ADGRB3: variants seen among roughly 807,000 people sequenced by gnomAD.
ADGRB3 encodes brain-specific angiogenesis inhibitor 3.
In ADGRB3, 37 loss-of-function variants were observed where a neutral mutation model predicts 193.4. The ratio of observed to expected loss-of-function variants is 0.19; its 90% CI spans 0.15 to 0.25. The LOEUF is 0.25. Ranked by LOEUF, ADGRB3 falls within the 10% of genes least tolerant of loss-of-function variation. ADGRB3 has a pLI of 1.00. For missense variants in ADGRB3, 1,637 were observed against 1,852.9 expected (o/e 0.88, Z 2.14); for synonymous variants, 690 against 644.2 (o/e 1.07, Z -1.08).
At chr6:68,927,558 A>G (rs1168774089) in intron 3 of ADGRB3, among the ~76,000 whole-genome samples, 3 of 152,162 alleles carry the variant, frequency 2.0e-5, no homozygotes, top group Non-Finnish European at 4.4e-5. Context: ...CCATAACATT[A>G]TCTGTTAAAT....
chr6:68,863,319 A>C (rs1466423652), intron 3 of ADGRB3, among the ~76,000 whole-genome samples: 1 of 152,088 alleles, frequency 6.6e-6, no homozygotes, highest in Non-Finnish European at 1.5e-5. Context: ...GTTACCATAT[A>C]TATGAAGTAA....
At chr6:69,040,606 G>A (rs1238912853) in intron 13 of ADGRB3, among the ~76,000 whole-genome samples, 3 of 126,816 alleles carry the variant, frequency 2.4e-5, no homozygotes, top group Admixed American at 9.8e-5. Flanking sequence ...CTAGCAAAGA[G>A]CCCTTGAGCA....
At chr6:68,765,422 C>T (rs59877292) in intron 3 of ADGRB3, among the ~76,000 whole-genome samples, 7,222 of 151,992 alleles carry the variant, frequency 0.048, 355 homozygotes, top group African/African-American at 0.12. Context: ...ATTTTATCCG[C>T]CTATTAACAC....
chr6:69,256,238 A>G (rs1176120207), intron 20 of ADGRB3, among the ~76,000 whole-genome samples: 2 of 151,790 alleles, frequency 1.3e-5, no homozygotes, highest in East Asian at 1.9e-4. Flanking sequence ...AATTCTGTGA[A>G]GAAAGTCATT....
chr6:68,737,105 A>G (rs1416199254), intron 3 of ADGRB3, among the ~76,000 whole-genome samples: 1 of 152,158 alleles, frequency 6.6e-6, no homozygotes, highest in Non-Finnish European at 1.5e-5. Flanking sequence ...CAGTATTATA[A>G]AAATGTTAAG....
intron 20 of ADGRB3, among the ~76,000 whole-genome samples, chr6:69,255,367 CTGT>C (rs1327988882): frequency 6.6e-6 from 1 of 152,278 alleles, no homozygotes; most frequent in Middle Eastern, 3.4e-3. Context: ...TCTCCAGCAC[CTGT>C]TGTTTCCTGA....
At chr6:69,122,829 C>T (rs1773750955) in intron 17 of ADGRB3, among the ~76,000 whole-genome samples, 2 of 151,856 alleles carry the variant, frequency 1.3e-5, no homozygotes, top group South Asian at 2.1e-4. Context: ...TGGTTTCAAA[C>T]ATACATACAT....
At chr6:69,284,874 A>G (rs1767515558) in intron 20 of ADGRB3, among the ~76,000 whole-genome samples, 1 of 152,184 alleles carries the variant, frequency 6.6e-6, no homozygotes, top group East Asian at 1.9e-4. Flanking sequence ...AACAGCAGGG[A>G]AGATTGAGAA....
intron 3 of ADGRB3, among the ~76,000 whole-genome samples, chr6:68,760,266 C>T (rs552821097): frequency 6.6e-6 from 1 of 152,196 alleles, no homozygotes; most frequent in Non-Finnish European, 1.5e-5. Flanking sequence ...TACACATACA[C>T]ACATACACAC....
intron 11 of ADGRB3, among the ~76,000 whole-genome samples, chr6:69,003,152 G>A (rs75028708): frequency 0.078 from 11,850 of 152,138 alleles, 579 homozygotes; most frequent in Non-Finnish European, 0.12. Context: ...ACACCTGGTA[G>A]GTCTCAAGAA....
chr6:69,345,959 T>A (rs938229041), intron 26 of ADGRB3, among the ~76,000 whole-genome samples: 1 of 152,088 alleles, frequency 6.6e-6, no homozygotes, highest in Non-Finnish European at 1.5e-5. Context: ...TATACACCAA[T>A]AATAGACAAA....
intron 13 of ADGRB3, among the ~76,000 whole-genome samples, chr6:69,023,004 GA>G (rs1274213346): frequency 6.6e-6 from 1 of 151,798 alleles, no homozygotes; most frequent in African/African-American, 2.4e-5. Context: ...TGCTTTTATT[GA>G]TAAGAATATC....
chr6:68,902,015 C>T lies in ADGRB3; in HGVS notation c.758-28544C>T, dbSNP rs567941187. Among the ~76,000 whole-genome samples, 299 of 152,092 alleles carry T rather than the reference C, an allele frequency of 2.0e-3. 1 individual carries two copies. Among genetic ancestry groups the T allele is most frequent in the African/African-American group, 7.0e-3 (291 of 41,510 alleles). On this transcript the variant is annotated intron_variant, in intron 3 of 31. Coordinates refer to ENST00000370598, the MANE Select transcript of ADGRB3 (RefSeq NM_001704.3). ...TCAATAAATGAATTTGTGTTAAGAA[C>T]TATTATGAAATGGGCATGACAGAGT...
intron 17 of ADGRB3, among the ~76,000 whole-genome samples, chr6:69,089,419 T>G (rs1000409417): frequency 1.6e-4 from 25 of 152,202 alleles, no homozygotes; most frequent in African/African-American, 6.0e-4. Context: ...AATTTTTGAA[T>G]GAGTGAATAT....
At chr6:68,764,902 C>T (rs1440631817) in intron 3 of ADGRB3, among the ~76,000 whole-genome samples, 1 of 152,090 alleles carries the variant, frequency 6.6e-6, no homozygotes, top group Admixed American at 6.6e-5. Context: ...CAAAGTGTTT[C>T]ATATTTTGGT....
chr6:68,657,386 A>C (rs1185771177), intron 3 of ADGRB3, among the ~76,000 whole-genome samples: 1 of 151,614 alleles, frequency 6.6e-6, no homozygotes, highest in South Asian at 2.1e-4. Flanking sequence ...GTCTTTAAAG[A>C]ATGCAAATGA....
intron 17 of ADGRB3, among the ~76,000 whole-genome samples, chr6:69,107,401 A>G (rs1318541498): frequency 1.3e-5 from 2 of 152,210 alleles, no homozygotes; most frequent in Non-Finnish European, 2.9e-5. Flanking sequence ...TTATTTATCA[A>G]ATATTTATTG....
chr6:68,678,123 A>G (rs557681740), intron 3 of ADGRB3, among the ~76,000 whole-genome samples: 1 of 152,248 alleles, frequency 6.6e-6, no homozygotes, highest in East Asian at 1.9e-4. Flanking sequence ...TCACCAATTT[A>G]AAATACACTT....
At chr6:68,949,428 G>C (rs576272827) in intron 6 of ADGRB3, among the ~76,000 whole-genome samples, 19 of 152,254 alleles carry the variant, frequency 1.2e-4, no homozygotes, top group Non-Finnish European at 2.2e-4. Context: ...TAAGAGTAGG[G>C]CCTCATAAAC....
Sources: gnomAD v4.1 joint callset for allele counts (sites outside exome capture counted in the v4.1 genomes callset) on GRCh38, gnomAD v4.1.1 for gene constraint, MANE v1.5 for transcripts, NCBI Gene and HGNC (gene_info 2026-07-23, HGNC 2026-07-21) for gene names.